NDUFAF2: variants seen among roughly 807,000 people sequenced by gnomAD.
NDUFAF2 encodes NADH dehydrogenase [ubiquinone] 1 alpha subcomplex assembly factor 2.
In NDUFAF2, 13 loss-of-function variants were observed where a neutral mutation model predicts 22.8. The ratio of observed to expected loss-of-function variants is 0.57; its 90% CI spans 0.37 to 0.91. The LOEUF (loss-of-function observed/expected upper bound fraction) is 0.91, where lower values mean the gene tolerates loss of function less well. Among genes scored for constraint, NDUFAF2 ranks in the 40% least tolerant of loss-of-function variants. The pLI, the probability that NDUFAF2 is intolerant of heterozygous loss-of-function variation, is 0.01. For missense variants in NDUFAF2, 162 were observed against 195.2 expected (o/e 0.83, Z 1.01); for synonymous variants, 53 against 64.2 (o/e 0.83, Z 0.84).
At chr5:61,021,755 T>G in intron 1 of NDUFAF2, among the ~76,000 whole-genome samples, 1 of 152,226 alleles carries the variant, frequency 6.6e-6, no homozygotes, top group East Asian at 1.9e-4. Flanking sequence ...CATTTGTACT[T>G]TCCTTGCTTG....
chr5:61,050,395 A>G (rs961647107), intron 1 of NDUFAF2: 126 of 152,242 alleles, frequency 8.3e-4, no homozygotes, highest in African/African-American at 2.9e-3. Context: ...GCCAAAGTCT[A>G]AATTTGAATA....
At chr5:61,077,393 A>T (rs986928729) in intron 2 of NDUFAF2, among the ~76,000 whole-genome samples, 1 of 152,206 alleles carries the variant, frequency 6.6e-6, no homozygotes, top group Non-Finnish European at 1.5e-5. Flanking sequence ...AAAATGTCAA[A>T]TGAGGTCTGA....
At chr5:61,024,209 A>C (rs904673987) in intron 1 of NDUFAF2, among the ~76,000 whole-genome samples, 2 of 151,776 alleles carry the variant, frequency 1.3e-5, no homozygotes, top group African/African-American at 4.8e-5. Context: ...TATTTTAAGG[A>C]TATTGGTTGA....
intron 1 of NDUFAF2, 140 bp downstream of exon 1, chr5:60,945,522 T>C: frequency 7.8e-7 from 1 of 1,280,948 alleles, no homozygotes; most frequent in South Asian, 1.3e-5. Context: ...GAGTTCGTTC[T>C]CCCCTGTCGA....
intron 3 of NDUFAF2, among the ~76,000 whole-genome samples, chr5:61,152,239 GGTTCTGGTACTACAGAGGGTGAC>G (rs1305855055): frequency 1.3e-4 from 19 of 151,942 alleles, no homozygotes; most frequent in Non-Finnish European, 4.4e-5. Flanking sequence ...GATGAGGCTT[GGTTCTGGTACTACAGAGGGTGAC>G]GTTAGCATTC....
At chr5:61,046,198 A>G (rs1211146504) in intron 1 of NDUFAF2, among the ~76,000 whole-genome samples, 4 of 152,052 alleles carry the variant, frequency 2.6e-5, no homozygotes, top group Non-Finnish European at 1.5e-5. Flanking sequence ...TTTTAATATG[A>G]TGCTGAATTT....
At chr5:61,035,570 C>T (rs1751790594) in intron 1 of NDUFAF2, among the ~76,000 whole-genome samples, 1 of 151,162 alleles carries the variant, frequency 6.6e-6, no homozygotes, top group Non-Finnish European at 1.5e-5. Flanking sequence ...TTTTTTATAC[C>T]TTGTTCTTTA....
At chr5:61,076,356 G>A (rs543299850) in intron 2 of NDUFAF2, among the ~76,000 whole-genome samples, 3 of 152,228 alleles carry the variant, frequency 2.0e-5, no homozygotes, top group Admixed American at 6.5e-5. Flanking sequence ...TTACAGGCGT[G>A]AGCCACCGCG....
intron 3 of NDUFAF2, among the ~76,000 whole-genome samples, chr5:61,126,500 G>A (rs146412934): frequency 4.5e-4 from 68 of 152,022 alleles, no homozygotes; most frequent in African/African-American, 1.5e-3. Context: ...GTATGTGTTC[G>A]TTGAAAATAA....
chr5:61,070,296 G>C (rs1752278901), intron 1 of NDUFAF2, among the ~76,000 whole-genome samples: 1 of 152,110 alleles, frequency 6.6e-6, no homozygotes, highest in South Asian at 2.1e-4. Flanking sequence ...GTATAAGTAA[G>C]TGTACAGTTT....
At chr5:60,988,268 G>T (rs1382978145) in intron 1 of NDUFAF2, among the ~76,000 whole-genome samples, 1 of 152,106 alleles carries the variant, frequency 6.6e-6, no homozygotes, top group Non-Finnish European at 1.5e-5. Flanking sequence ...ACTGCTCAAA[G>T]AAATTAGAGA....
chr5:61,025,220 C>CA (rs1751635006), intron 1 of NDUFAF2, among the ~76,000 whole-genome samples: 1 of 152,008 alleles, frequency 6.6e-6, no homozygotes, highest in African/African-American at 2.4e-5. Context: ...CCCATGACCT[C>CA]ATAAACATAA....
rs372388635 is a variant in NDUFAF2 at position 61,018,957 on chromosome 5, C to T, written c.128-54168C>T. ...CAAATAAAATATCAATATGCACACA[C>T]AAAAAATAAGTCTTAAGATTTGTTT... On this transcript the variant is annotated intron_variant, in intron 1 of 3. Coordinates refer to ENST00000296597, the MANE Select transcript of NDUFAF2 (RefSeq NM_174889.5). Among the ~76,000 whole-genome samples, 20 of 152,084 alleles carry T rather than the reference C, an allele frequency of 1.3e-4. No individual in the cohort carries two copies. In the East Asian group the frequency reaches 1.5e-3, roughly 12 times the overall value.
intron 3 of NDUFAF2, among the ~76,000 whole-genome samples, chr5:61,106,563 CTT>C (rs766308119): frequency 2.6e-5 from 4 of 151,246 alleles, no homozygotes; most frequent in Non-Finnish European, 5.9e-5. Flanking sequence ...TAATTATACT[CTT>C]TTAGTTATTT....
At chr5:60,969,409 C>T (rs926596566) in intron 1 of NDUFAF2, among the ~76,000 whole-genome samples, 1 of 152,068 alleles carries the variant, frequency 6.6e-6, no homozygotes, top group Non-Finnish European at 1.5e-5. Flanking sequence ...GCCATTTTAA[C>T]CAGAGTGAGA....
chr5:61,051,343 A>G (rs1752021623), intron 1 of NDUFAF2, among the ~76,000 whole-genome samples: 2 of 152,166 alleles, frequency 1.3e-5, no homozygotes, highest in African/African-American at 4.8e-5. Context: ...TCTCTATTGC[A>G]GTCAATCTGT....
chr5:61,015,923 C>T (rs1026917407), intron 1 of NDUFAF2, among the ~76,000 whole-genome samples: 1 of 152,134 alleles, frequency 6.6e-6, no homozygotes, highest in Non-Finnish European at 1.5e-5. Flanking sequence ...TGCGGTGGCT[C>T]ACGCCTGTAA....
intron 1 of NDUFAF2, among the ~76,000 whole-genome samples, chr5:61,064,395 G>A (rs1171929413): frequency 6.6e-6 from 1 of 152,052 alleles, no homozygotes; most frequent in African/African-American, 2.4e-5. Context: ...TGACCACTTG[G>A]AACTAACAGA....
intron 1 of NDUFAF2, among the ~76,000 whole-genome samples, chr5:60,987,734 C>A (rs753104777): frequency 1.3e-5 from 2 of 152,134 alleles, no homozygotes; most frequent in Non-Finnish European, 2.9e-5. Context: ...AATTGAACAT[C>A]CTTTCATGTT....
Sources: gnomAD v4.1 joint callset for allele counts (sites outside exome capture counted in the v4.1 genomes callset) on GRCh38, gnomAD v4.1.1 for gene constraint, MANE v1.5 for transcripts, NCBI Gene and HGNC (gene_info 2026-07-23, HGNC 2026-07-21) for gene names.